Variants in C10orf90 observed in about 807,000 individuals in gnomAD.
C10orf90 encodes chromosome 10 open reading frame 90.
Under a neutral mutation model 62.5 loss-of-function variants are expected in C10orf90, and 56 were observed. The observed-to-expected ratio is 0.90, with a 90% CI of 0.72 to 1.12. C10orf90 has a LOEUF of 1.12. C10orf90 is among the 50% of genes most tolerant of loss of function. The pLI is 0.00. For missense variants in C10orf90, 970 were observed against 880.4 expected (o/e 1.10, Z -1.29); for synonymous variants, 386 against 340.4 (o/e 1.13, Z -1.47).
intron 1 of C10orf90, among the ~76,000 whole-genome samples, chr10:126,669,424 A>G (rs1245665602): frequency 6.6e-6 from 1 of 152,242 alleles, no homozygotes; most frequent in Non-Finnish European, 1.5e-5. Context: ...TAATAACAGC[A>G]TCAATATTCA....
intron 1 of C10orf90, among the ~76,000 whole-genome samples, chr10:126,648,992 T>C (rs544780005): frequency 1.3e-5 from 2 of 150,388 alleles, no homozygotes; most frequent in Non-Finnish European, 2.9e-5. Context: ...TGAAGTGCTT[T>C]GGTTTGGATC....
intron 2 of C10orf90, among the ~76,000 whole-genome samples, chr10:126,622,118 T>C: frequency 6.6e-6 from 1 of 152,134 alleles, no homozygotes; most frequent in East Asian, 1.9e-4. Flanking sequence ...GTGAGAACTG[T>C]CTGCAGGGAT....
chr10:126,660,495 A>T (rs1846488050), intron 1 of C10orf90, among the ~76,000 whole-genome samples: 1 of 152,248 alleles, frequency 6.6e-6, no homozygotes, highest in East Asian at 1.9e-4. Context: ...TCTGGCTAAC[A>T]GCCAGTAAGA....
chr10:126,506,677 C>T (rs1414336324), intron 3 of C10orf90, among the ~76,000 whole-genome samples: 1 of 152,226 alleles, frequency 6.6e-6, no homozygotes, highest in Non-Finnish European at 1.5e-5. Context: ...ATCTGGGTCA[C>T]ACACTTTGAG....
At chr10:126,625,927 C>T (rs1266523658) in intron 2 of C10orf90, among the ~76,000 whole-genome samples, 1 of 151,656 alleles carries the variant, frequency 6.6e-6, no homozygotes, top group Non-Finnish European at 1.5e-5. Flanking sequence ...CCAGCCTCGC[C>T]AACATGGTGA....
intron 2 of C10orf90, among the ~76,000 whole-genome samples, chr10:126,564,746 C>T (rs1372444762): frequency 1.5e-5 from 2 of 135,998 alleles, no homozygotes; most frequent in Non-Finnish European, 3.0e-5. Flanking sequence ...CTCATCCCCA[C>T]CCTCCTGAAG....
At chr10:126,649,012 ATCTCTCTCTCTCTCTGTCTCTG>A (rs1564908960) in intron 1 of C10orf90, among the ~76,000 whole-genome samples, 75 of 127,560 alleles carry the variant, frequency 5.9e-4, no homozygotes, top group South Asian at 3.9e-3. Flanking sequence ...CACAGATGAT[ATCTCTCTCTCTCTCTGTCTCTG>A]TCTCTCTCTC....
At chr10:126,571,611 TCTC>T (rs906170356) in intron 2 of C10orf90, among the ~76,000 whole-genome samples, 10 of 152,022 alleles carry the variant, frequency 6.6e-5, no homozygotes, top group African/African-American at 2.4e-4. Context: ...GGCATTCATT[TCTC>T]CTCCTGGCTT....
At chr10:126,551,794 G>A (rs996277651) in intron 2 of C10orf90, among the ~76,000 whole-genome samples, 5 of 152,190 alleles carry the variant, frequency 3.3e-5, no homozygotes, top group East Asian at 1.9e-4. Flanking sequence ...GGCCTTGCAC[G>A]CTTGCTGAAC....
chr10:126,498,856 C>T (rs568186800), intron 4 of C10orf90, among the ~76,000 whole-genome samples: 7 of 152,288 alleles, frequency 4.6e-5, no homozygotes, highest in East Asian at 1.9e-4. Context: ...ATGACTGCAC[C>T]GCAGAACACC....
intron 2 of C10orf90, among the ~76,000 whole-genome samples, chr10:126,537,652 T>G (rs1007822370): frequency 6.6e-5 from 10 of 152,234 alleles, no homozygotes; most frequent in African/African-American, 2.4e-4. Context: ...ATATACTCTT[T>G]GCTGTCTAAA....
At chr10:126,639,858 T>C (rs544657763) in intron 2 of C10orf90, among the ~76,000 whole-genome samples, 1 of 152,336 alleles carries the variant, frequency 6.6e-6, no homozygotes, top group South Asian at 2.1e-4. Context: ...CAGAAACTCA[T>C]GGAGGGGGAA....
At chr10:126,489,032 A>G (rs892328456) in intron 4 of C10orf90, among the ~76,000 whole-genome samples, 1 of 152,196 alleles carries the variant, frequency 6.6e-6, no homozygotes, top group African/African-American at 2.4e-5. Flanking sequence ...AGTTCATTGT[A>G]TAAACCTTTT....
intron 2 of C10orf90, among the ~76,000 whole-genome samples, chr10:126,581,664 G>T (rs185134287): frequency 6.6e-6 from 1 of 152,176 alleles, no homozygotes; most frequent in African/African-American, 2.4e-5. Flanking sequence ...AGTGTTAAAC[G>T]TAGACACAGC....
intron 1 of C10orf90, among the ~76,000 whole-genome samples, chr10:126,654,786 G>T (rs1244568943): frequency 6.6e-6 from 1 of 152,118 alleles, no homozygotes; most frequent in Non-Finnish European, 1.5e-5. Context: ...TCTAGCTTTT[G>T]ATTTAAAGCA....
rs920255151 is a variant in C10orf90, at chr10:126,448,122, G to A, written c.2188+10918C>T. Reference sequence around the variant, plus strand: ...CTTGACCTCATGATCCCCCTGCCTCGGCCTCCCAAAATGCTAGGATTACAG... The same window carrying A: ...CTTGACCTCATGATCCCCCTGCCTCAGCCTCCCAAAATGCTAGGATTACAG... On this transcript the variant is annotated intron_variant, in intron 7 of 9. Transcript: ENST00000488181. Among the ~76,000 whole-genome samples, 18 of 145,214 alleles carry A rather than the reference G, an allele frequency of 1.2e-4. No individual in the cohort carries two copies. The South Asian group carries it at 2.2e-3, about 18-fold the overall frequency.
chr10:126,582,392 C>G (rs188653240), intron 2 of C10orf90, among the ~76,000 whole-genome samples: 1 of 152,186 alleles, frequency 6.6e-6, no homozygotes, highest in African/African-American at 2.4e-5. Context: ...TTTCTTTTAT[C>G]CTTTTCCACA....
At chr10:126,645,258 T>TAAAAA (rs1182066967) in intron 2 of C10orf90, among the ~76,000 whole-genome samples, 1 of 66,312 alleles carries the variant, frequency 1.5e-5, no homozygotes, top group Non-Finnish European at 3.4e-5. Context: ...ACTTAAAGTA[T>TAAAAA]AAAAAAAAAA....
At chr10:126,665,693 C>T (rs753906526) in intron 1 of C10orf90, among the ~76,000 whole-genome samples, 3 of 152,132 alleles carry the variant, frequency 2.0e-5, no homozygotes, top group Non-Finnish European at 2.9e-5. Context: ...CTACAATTGT[C>T]CCCACCTGGA....
Sources: gnomAD v4.1 joint callset for allele counts (sites outside exome capture counted in the v4.1 genomes callset) on GRCh38, gnomAD v4.1.1 for gene constraint, MANE v1.5 for transcripts, NCBI Gene and HGNC (gene_info 2026-07-23, HGNC 2026-07-21) for gene names.